Variants in CREB5 observed in about 807,000 individuals in gnomAD.
The protein encoded by CREB5 is cAMP responsive element binding protein 5.
In CREB5, 19 loss-of-function variants were observed where a neutral mutation model predicts 57.1. That is an observed-to-expected ratio of 0.33 (90% CI 0.23 to 0.49). CREB5 has a LOEUF of 0.49. Among genes scored for constraint, CREB5 ranks in the 20% least tolerant of loss-of-function variants. The pLI is 0.99. For synonymous variants in CREB5, 238 were observed against 238.3 expected (o/e 1.00, Z 0.01); for missense variants, 579 against 671.6 (o/e 0.86, Z 1.52).
At chr7:28,545,640 T>C (rs1449301555) in intron 4 of CREB5, among the ~76,000 whole-genome samples, 1 of 152,234 alleles carries the variant, frequency 6.6e-6, no homozygotes, top group Non-Finnish European at 1.5e-5. Context: ...TTTATTAAAA[T>C]TGTTTTCAAA....
chr7:28,358,126 C>A (rs544508973), intron 1 of CREB5, among the ~76,000 whole-genome samples: 1 of 152,244 alleles, frequency 6.6e-6, no homozygotes, highest in African/African-American at 2.4e-5. Flanking sequence ...TGCACAACAA[C>A]TGAAGTCCAA....
upstream of CREB5, among the ~76,000 whole-genome samples, chr7:28,408,173 C>G (rs1472708078): frequency 2.0e-5 from 3 of 152,254 alleles, no homozygotes; most frequent in South Asian, 6.2e-4. Context: ...CAGGCCAGCC[C>G]CCAACCTTCT....
intron 5 of CREB5, among the ~76,000 whole-genome samples, chr7:28,606,344 A>AATT (rs1026675304): frequency 6.6e-6 from 1 of 152,184 alleles, no homozygotes; most frequent in African/African-American, 2.4e-5. Flanking sequence ...ACAATTTTAC[A>AATT]ATTTTATTGC....
At chr7:28,616,579 G>A (rs1015830336) in intron 5 of CREB5, among the ~76,000 whole-genome samples, 2 of 152,056 alleles carry the variant, frequency 1.3e-5, no homozygotes, top group African/African-American at 4.8e-5. Flanking sequence ...CCAGGGTCTT[G>A]ACTCAACCTC....
At chr7:28,727,703 G>A (rs1803403141) in intron 7 of CREB5, among the ~76,000 whole-genome samples, 1 of 152,174 alleles carries the variant, frequency 6.6e-6, no homozygotes, top group African/African-American at 2.4e-5. Flanking sequence ...TGGAGATGTG[G>A]CCATACACCT....
At chr7:28,558,474 G>A (rs1411749157) in intron 4 of CREB5, among the ~76,000 whole-genome samples, 1 of 152,234 alleles carries the variant, frequency 6.6e-6, no homozygotes, top group Non-Finnish European at 1.5e-5. Context: ...TTTCTCTATT[G>A]TTTTGGAAGA....
chr7:28,824,630 A>G lies in CREB5; in HGVS notation c.*5351A>G, dbSNP rs926155832. 6.6e-6 allele frequency: 1 copy of G among 152,658 alleles called. No homozygotes were observed. Among genetic ancestry groups the G allele is most frequent in the African/African-American group, 2.4e-5 (1 of 41,462 alleles). 9.5% of individuals were successfully genotyped at this position (152,658 alleles called of 1,614,324 possible). On this transcript the variant is annotated 3_prime_UTR_variant, in exon 11 of 11. Coordinates refer to ENST00000357727, the MANE Select transcript of CREB5 (RefSeq NM_182898.4). ...TAAAAAACAAAAAACCTAGCTCATC[A>G]TGTTGTGAAAATGAAAAAGTGAATG...
At chr7:28,507,118 T>C (rs1465605197) in intron 3 of CREB5, among the ~76,000 whole-genome samples, 2 of 152,238 alleles carry the variant, frequency 1.3e-5, no homozygotes, top group Non-Finnish European at 2.9e-5. Context: ...TCTTTCTCCA[T>C]TAAGAAAAAT....
intron 4 of CREB5, among the ~76,000 whole-genome samples, chr7:28,548,468 T>G (rs1163178376): frequency 6.6e-6 from 1 of 152,190 alleles, no homozygotes; most frequent in Non-Finnish European, 1.5e-5. Context: ...ACATTCATGG[T>G]ACCACCCTAA....
intron 5 of CREB5, among the ~76,000 whole-genome samples, chr7:28,681,356 A>G (rs1175581124): frequency 2.0e-5 from 3 of 152,046 alleles, no homozygotes; most frequent in Non-Finnish European, 4.4e-5. Flanking sequence ...TCTTTAATTA[A>G]TTTATTACTA....
chr7:28,447,801 C>T (rs190028346), intron 1 of CREB5, among the ~76,000 whole-genome samples: 1 of 152,332 alleles, frequency 6.6e-6, no homozygotes, highest in East Asian at 1.9e-4. Context: ...AGGTATACCT[C>T]AGGCTTTCCC....
chr7:28,690,480 C>T (rs1200094250), intron 5 of CREB5, among the ~76,000 whole-genome samples: 1 of 152,178 alleles, frequency 6.6e-6, no homozygotes, highest in African/African-American at 2.4e-5. Context: ...AGGGTGGGGT[C>T]TCCTGAAAAG....
At chr7:28,632,964 C>A (rs1475935098) in intron 5 of CREB5, among the ~76,000 whole-genome samples, 3 of 152,180 alleles carry the variant, frequency 2.0e-5, no homozygotes, top group African/African-American at 7.2e-5. Context: ...CATGGGCACT[C>A]GATGGCTGAA....
chr7:28,543,873 A>G (rs1794311133), intron 4 of CREB5, among the ~76,000 whole-genome samples: 1 of 151,328 alleles, frequency 6.6e-6, no homozygotes, highest in Non-Finnish European at 1.5e-5. Flanking sequence ...GACCAGTCAC[A>G]TAATATGTGA....
rs550313870 is a variant in CREB5, at chr7:28,420,216, G to A, written c.3+7299G>A. Among the ~76,000 whole-genome samples, 700 of 152,158 alleles carry A rather than the reference G, an allele frequency of 4.6e-3. 3 individuals carry two copies. The highest frequency in any genetic ancestry group is 6.8e-3 in the Middle Eastern group (2 of 294). Reference sequence around the variant, plus strand: ...GACATTCTTAAGACAGACAGGTTGAGTCTTTAACCTAAAGTTCATTTTTAT... The same window carrying A: ...GACATTCTTAAGACAGACAGGTTGAATCTTTAACCTAAAGTTCATTTTTAT... On this transcript the variant is annotated intron_variant, in intron 1 of 10. Coordinates refer to ENST00000357727, the MANE Select transcript of CREB5 (RefSeq NM_182898.4).
chr7:28,483,799 C>T (rs974240487), intron 1 of CREB5, among the ~76,000 whole-genome samples: 1 of 152,164 alleles, frequency 6.6e-6, no homozygotes, highest in Non-Finnish European at 1.5e-5. Flanking sequence ...TAGATTCACT[C>T]ATTGTTTCTA....
rs1793487376 is a variant in CREB5 at position 28,527,217 on chromosome 7, C to A, written c.291+19480C>A. On this transcript the variant is annotated intron_variant, in intron 4 of 10. Transcript: ENST00000357727. ...ACTATCACTCCTTCCTAAGCAAAAG[C>A]TGAAAGACCAACTCTTTGCCCAGTA... 4.6e-5 allele frequency among the ~76,000 whole-genome samples: 7 copies of A among 152,222 alleles called. No homozygotes were observed. In the South Asian group the frequency reaches 1.5e-3, roughly 32 times the overall value.
intron 5 of CREB5, chr7:28,615,079 T>C (rs1026643462): frequency 2.0e-5 from 3 of 152,240 alleles, no homozygotes; most frequent in Admixed American, 6.5e-5. Flanking sequence ...TTATTTTTCA[T>C]GTGTAAAAAC....
intron 3 of CREB5, among the ~76,000 whole-genome samples, chr7:28,506,230 G>A (rs1241206260): frequency 6.6e-6 from 1 of 152,210 alleles, no homozygotes; most frequent in Non-Finnish European, 1.5e-5. Flanking sequence ...CTTTGAATCA[G>A]ACAATTTACT....
Sources: gnomAD v4.1 joint callset for allele counts (sites outside exome capture counted in the v4.1 genomes callset) on GRCh38, gnomAD v4.1.1 for gene constraint, MANE v1.5 for transcripts, NCBI Gene and HGNC (gene_info 2026-07-23, HGNC 2026-07-21) for gene names.